AUTS2: variants seen among roughly 807,000 people sequenced by gnomAD.
The protein encoded by AUTS2 is autism susceptibility gene 2 protein.
AUTS2 carries 17 observed loss-of-function variants against 112.4 expected under a neutral mutation model. The ratio of observed to expected loss-of-function variants is 0.15; its 90% CI spans 0.10 to 0.23. The LOEUF (loss-of-function observed/expected upper bound fraction) is 0.23, where lower values mean the gene tolerates loss of function less well. Among genes scored for constraint, AUTS2 ranks in the 10% least tolerant of loss-of-function variants. The pLI is 1.00. For missense variants in AUTS2, 1,510 were observed against 1,701.6 expected (o/e 0.89, Z 1.98); for synonymous variants, 751 against 702.7 (o/e 1.07, Z -1.09).
At chr7:69,933,065 G>A (rs1490408210) in intron 2 of AUTS2, among the ~76,000 whole-genome samples, 2 of 152,176 alleles carry the variant, frequency 1.3e-5, no homozygotes, top group Non-Finnish European at 2.9e-5. Context: ...ACACTGGTGT[G>A]TTCAGTGTGT....
Position 69,634,295 on chromosome 7 carries a change from T to G in AUTS2, c.309+34333T>G, listed in dbSNP as rs541423988. 1.1e-4 allele frequency among the ~76,000 whole-genome samples: 16 copies of G among 152,020 alleles called. No individual in the cohort carries two copies. In the South Asian group the frequency reaches 2.3e-3, roughly 22 times the overall value. On this transcript the variant is annotated intron_variant, in intron 1 of 18. Coordinates refer to ENST00000342771, the MANE Select transcript of AUTS2 (RefSeq NM_015570.4). ...CCATCACGCCCGGCTAATTTTTTTG[T>G]ATTTTTAGTAGAGACAGGGTTTCAC... is the stretch of plus-strand genomic sequence containing the variant.
chr7:70,656,021 T>G (rs1469746869), intron 5 of AUTS2, among the ~76,000 whole-genome samples: 1 of 152,164 alleles, frequency 6.6e-6, no homozygotes, highest in African/African-American at 2.4e-5. Context: ...TTGCCGAGTC[T>G]TTTGGATGTT....
intron 2 of AUTS2, among the ~76,000 whole-genome samples, chr7:70,054,128 T>C (rs1011972629): frequency 1.3e-5 from 2 of 152,206 alleles, no homozygotes; most frequent in African/African-American, 4.8e-5. Flanking sequence ...ATTTGATATG[T>C]GGCTAGTGTG....
chr7:70,576,450 G>A (rs1408509940), intron 5 of AUTS2, among the ~76,000 whole-genome samples: 1 of 152,116 alleles, frequency 6.6e-6, no homozygotes, highest in South Asian at 2.1e-4. Context: ...ATCAGCACTT[G>A]CATTTTGGGG....
intron 6 of AUTS2, among the ~76,000 whole-genome samples, chr7:70,709,908 A>T (rs779593141): frequency 6.6e-6 from 1 of 152,192 alleles, no homozygotes; most frequent in Non-Finnish European, 1.5e-5. Flanking sequence ...AGGAGATTGC[A>T]TCTGTGTAAG....
intron 1 of AUTS2, among the ~76,000 whole-genome samples, chr7:69,615,128 G>A (rs1400134115): frequency 2.0e-5 from 3 of 152,078 alleles, no homozygotes; most frequent in African/African-American, 7.2e-5. Context: ...TAGTAACTGT[G>A]TCTTTTTAAC....
At chr7:69,729,415 CA>C (rs1786677680) in intron 1 of AUTS2, among the ~76,000 whole-genome samples, 1 of 108,784 alleles carries the variant, frequency 9.2e-6, no homozygotes, top group Non-Finnish European at 1.9e-5. Flanking sequence ...AAATGTCCCC[CA>C]ACACCCCCCC....
At chr7:69,920,667 A>C (rs1385552085) in intron 2 of AUTS2, among the ~76,000 whole-genome samples, 1 of 152,126 alleles carries the variant, frequency 6.6e-6, no homozygotes, top group Non-Finnish European at 1.5e-5. Context: ...CCTATACCCT[A>C]TTTATGTAGA....
chr7:69,968,063 A>G (rs1408690510), intron 2 of AUTS2, among the ~76,000 whole-genome samples: 1 of 152,254 alleles, frequency 6.6e-6, no homozygotes, highest in Non-Finnish European at 1.5e-5. Flanking sequence ...AGGGGAAATA[A>G]TGAAACTACA....
chr7:70,551,825 T>C (rs1276238766), intron 5 of AUTS2, among the ~76,000 whole-genome samples: 2 of 152,242 alleles, frequency 1.3e-5, no homozygotes, highest in African/African-American at 4.8e-5. Context: ...TGCTCTTTGC[T>C]ATCTTCTCAA....
intron 2 of AUTS2, among the ~76,000 whole-genome samples, chr7:69,975,000 T>C (rs1247274106): frequency 1.3e-5 from 2 of 152,038 alleles, no homozygotes; most frequent in Non-Finnish European, 2.9e-5. Flanking sequence ...AGAACTTCCT[T>C]TAGCCATTCT....
intron 1 of AUTS2, among the ~76,000 whole-genome samples, chr7:69,888,790 T>A (rs1022209976): frequency 3.3e-5 from 5 of 151,832 alleles, no homozygotes; most frequent in African/African-American, 1.2e-4. Context: ...CCCAGGCTGG[T>A]CTCGAACTCC....
chr7:70,695,075 T>A (rs1373634384), intron 5 of AUTS2: 2 of 151,692 alleles, frequency 1.3e-5, no homozygotes, highest in East Asian at 3.9e-4. Flanking sequence ...GCGGCTCGCT[T>A]GCCTACCTCT....
At chr7:70,754,462 C>A (rs34947161) in intron 6 of AUTS2, among the ~76,000 whole-genome samples, 1 of 152,110 alleles carries the variant, frequency 6.6e-6, no homozygotes, top group Non-Finnish European at 1.5e-5. Context: ...GCATCCCAGC[C>A]TGGGCAACAG....
intron 4 of AUTS2, among the ~76,000 whole-genome samples, chr7:70,184,290 G>T (rs1372656956): frequency 6.6e-6 from 1 of 152,208 alleles, no homozygotes; most frequent in Non-Finnish European, 1.5e-5. Flanking sequence ...GAAAGCCACA[G>T]AGAAGAGCAA....
At chr7:70,121,324 C>A (rs1805671110) in intron 3 of AUTS2, among the ~76,000 whole-genome samples, 1 of 151,954 alleles carries the variant, frequency 6.6e-6, no homozygotes, top group Non-Finnish European at 1.5e-5. Context: ...AAAGCATGTA[C>A]AATGAAAGAG....
rs1445033997 is a variant in AUTS2, at chr7:70,784,774, CA to C, written c.2147-167del. 1.7e-4 allele frequency: 23 copies of C among 131,834 alleles called. No individual in the cohort carries two copies. The East Asian group carries it at 4.6e-3, about 26-fold the overall frequency. The allele number at this position is 131,834 out of a possible 1,614,324, so 8.2% of individuals were successfully genotyped here. A position where few individuals can be genotyped will look rare whatever the true frequency, so the allele number is the denominator to read the frequency against. On this transcript the variant is annotated intron_variant, in intron 15 of 18. Coordinates refer to ENST00000342771, the MANE Select transcript of AUTS2 (RefSeq NM_015570.4). ...AAAAAAAAAAAAAAAAAAAAAAAAA[CA>C]CACATTTTCTTTTACCCTGTGTCTT...
At chr7:70,610,111 T>G (rs1353088125) in intron 5 of AUTS2, among the ~76,000 whole-genome samples, 1 of 152,070 alleles carries the variant, frequency 6.6e-6, no homozygotes, top group African/African-American at 2.4e-5. Flanking sequence ...GCGATGCTCT[T>G]GCCTTAGCCT....
chr7:70,747,045 G>C (rs1157884371), intron 6 of AUTS2, among the ~76,000 whole-genome samples: 1 of 152,168 alleles, frequency 6.6e-6, no homozygotes, highest in Non-Finnish European at 1.5e-5. Context: ...GGAGTGGAAG[G>C]GGGTGGGTGT....
Sources: gnomAD v4.1 joint callset for allele counts (sites outside exome capture counted in the v4.1 genomes callset) on GRCh38, gnomAD v4.1.1 for gene constraint, MANE v1.5 for transcripts, NCBI Gene and HGNC (gene_info 2026-07-23, HGNC 2026-07-21) for gene names.